GPHN: variants seen among roughly 807,000 people sequenced by gnomAD.
The protein encoded by GPHN is gephyrin.
Under a neutral mutation model 95.5 loss-of-function variants are expected in GPHN, and 17 were observed. The ratio of observed to expected loss-of-function variants is 0.18; its 90% CI spans 0.12 to 0.27. GPHN has a LOEUF of 0.27. Among genes scored for constraint, GPHN ranks in the 10% least tolerant of loss-of-function variants. The probability of loss-of-function intolerance (pLI) is 1.00; values close to 1 mark genes in which losing one functional copy is unlikely to be tolerated. For synonymous variants in GPHN, 320 were observed against 322.5 expected (o/e 0.99, Z 0.08); for missense variants, 660 against 978.1 (o/e 0.67, Z 4.34).
chr14:66,845,851 G>C (rs993115590), intron 4 of GPHN, among the ~76,000 whole-genome samples: 8 of 150,854 alleles, frequency 5.3e-5, no homozygotes, highest in African/African-American at 1.2e-4. Flanking sequence ...GTGTGTGTGT[G>C]TGTGTGTGTC....
chr14:67,376,887 T>G, the GPHN span, among the ~76,000 whole-genome samples: 2 of 152,226 alleles, frequency 1.3e-5, no homozygotes, highest in Non-Finnish European at 2.9e-5. Flanking sequence ...TTGTTTTCTC[T>G]ACCTCTTTTG....
chr14:66,847,876 A>G (rs549900684), intron 4 of GPHN, among the ~76,000 whole-genome samples: 1 of 151,994 alleles, frequency 6.6e-6, no homozygotes, highest in Non-Finnish European at 1.5e-5. Context: ...CCCTCCTACC[A>G]TCAAATACTT....
the GPHN span, among the ~76,000 whole-genome samples, chr14:67,262,040 C>T: frequency 6.6e-6 from 1 of 152,118 alleles, no homozygotes; most frequent in African/African-American, 2.4e-5. Context: ...AGGATTTACC[C>T]ATCTGAATTT....
chr14:66,991,836 C>T (rs971818497), intron 9 of GPHN, among the ~76,000 whole-genome samples: 1 of 142,810 alleles, frequency 7.0e-6, no homozygotes, highest in African/African-American at 2.7e-5. Context: ...CGCTCTGCTG[C>T]ACTCCAGCCT....
intron 8 of GPHN, among the ~76,000 whole-genome samples, chr14:66,943,689 A>AT (rs1295139668): frequency 0.12 from 33 of 270 alleles, no homozygotes; most frequent in Admixed American, 0.15. Context: ...TGATCCAAGC[A>AT]CTATCTTCCT....
the GPHN span, chr14:67,656,725 G>A: frequency 1.0e-6 from 1 of 969,292 alleles, no homozygotes; most frequent in Non-Finnish European, 1.4e-6. Context: ...CAGAACCAAA[G>A]AAGCTAATGA....
At chr14:66,648,421 A>C (rs2064868688) in intron 1 of GPHN, among the ~76,000 whole-genome samples, 1 of 152,182 alleles carries the variant, frequency 6.6e-6, no homozygotes, top group South Asian at 2.1e-4. Flanking sequence ...GGTAATTTAC[A>C]GTCAGGCACT....
intron 1 of GPHN, among the ~76,000 whole-genome samples, chr14:66,635,659 A>C (rs1405659665): frequency 3.3e-5 from 5 of 152,184 alleles, no homozygotes. Flanking sequence ...GCCATTACAA[A>C]AACAACGACG....
At chr14:67,012,386 A>T (rs2073062135) in intron 9 of GPHN, among the ~76,000 whole-genome samples, 1 of 152,134 alleles carries the variant, frequency 6.6e-6, no homozygotes, top group African/African-American at 2.4e-5. Flanking sequence ...ACTTTTATGA[A>T]ATAGCAGATT....
chr14:67,519,086 T>C, the GPHN span, among the ~76,000 whole-genome samples: 1 of 152,086 alleles, frequency 6.6e-6, no homozygotes, highest in Admixed American at 6.5e-5. Flanking sequence ...ATGGTCTTGG[T>C]GAGAAGAGGT....
intron 3 of GPHN, among the ~76,000 whole-genome samples, chr14:66,801,030 G>A (rs902778541): frequency 2.0e-5 from 3 of 151,970 alleles, no homozygotes; most frequent in African/African-American, 7.2e-5. Flanking sequence ...AGAATTTCTT[G>A]TTGCTTCTTT....
the GPHN span, among the ~76,000 whole-genome samples, chr14:67,524,826 C>T: frequency 6.6e-6 from 1 of 152,162 alleles, no homozygotes; most frequent in African/African-American, 2.4e-5. Context: ...TGTGAGGCCC[C>T]TCTGATCTGA....
At chr14:67,043,275 G>A (rs1472455543) in intron 10 of GPHN, among the ~76,000 whole-genome samples, 1 of 152,162 alleles carries the variant, frequency 6.6e-6, no homozygotes, top group Non-Finnish European at 1.5e-5. Context: ...ATGTTGAATA[G>A]GAGTGGTAAG....
the GPHN span, among the ~76,000 whole-genome samples, chr14:67,362,324 A>T: frequency 6.6e-6 from 1 of 152,104 alleles, no homozygotes; most frequent in South Asian, 2.1e-4. Flanking sequence ...CTGGCCTGGT[A>T]AGAGTCTTTC....
At chr14:67,345,197 A>T in the GPHN span, among the ~76,000 whole-genome samples, 1 of 150,876 alleles carries the variant, frequency 6.6e-6, no homozygotes, top group Non-Finnish European at 1.5e-5. Context: ...AGCTGGGATT[A>T]TGCCACTGCA....
intron 11 of GPHN, among the ~76,000 whole-genome samples, chr14:67,060,917 C>T (rs2075799939): frequency 6.6e-6 from 1 of 152,218 alleles, no homozygotes; most frequent in African/African-American, 2.4e-5. Flanking sequence ...TATCTGCTGC[C>T]AGTAAATATA....
At chr14:66,809,330 G>A (rs1566968090) in intron 3 of GPHN, among the ~76,000 whole-genome samples, 1 of 152,042 alleles carries the variant, frequency 6.6e-6, no homozygotes, top group Non-Finnish European at 1.5e-5. Flanking sequence ...GTGACCTTAT[G>A]TGTATCTTAA....
At chr14:67,339,222 C>A in the GPHN span, among the ~76,000 whole-genome samples, 1 of 152,154 alleles carries the variant, frequency 6.6e-6, no homozygotes, top group African/African-American at 2.4e-5. Context: ...TGGTCTTGAA[C>A]TCCTGACCTT....
chr14:67,295,729 T>C, the GPHN span, among the ~76,000 whole-genome samples: 3 of 152,210 alleles, frequency 2.0e-5, no homozygotes, highest in East Asian at 3.8e-4. Flanking sequence ...TGTGAACTTA[T>C]GGAACAACTG....
Sources: allele counts gnomAD v4.1 joint callset (sites outside exome capture counted in the v4.1 genomes callset), GRCh38; gene constraint gnomAD v4.1.1; transcripts MANE v1.5; gene names NCBI Gene and HGNC (gene_info 2026-07-23, HGNC 2026-07-21).